The following TMEM74 variants were observed in gnomAD, a reference collection of about 807,000 sequenced individuals.
TMEM74 encodes the protein transmembrane protein 74.
A neutral mutation model predicts 18.1 loss-of-function variants in TMEM74; 13 were observed. That is an observed-to-expected ratio of 0.72 (90% CI 0.47 to 1.14). The LOEUF (loss-of-function observed/expected upper bound fraction) is 1.14, where lower values mean the gene tolerates loss of function less well. Ranked by LOEUF, TMEM74 falls within the 50% of genes most tolerant of loss-of-function variation. The pLI is 0.00. For missense variants in TMEM74, 372 were observed against 375.9 expected (o/e 0.99, Z 0.09); for synonymous variants, 159 against 146.6 (o/e 1.08, Z -0.61).
At chr8:108,672,809 T>C (rs76352641) in intron 1 of TMEM74, among the ~76,000 whole-genome samples, 4,468 of 152,292 alleles carry the variant, frequency 0.029, 121 homozygotes, top group African/African-American at 0.066. Context: ...TTCACAATGA[T>C]GCTATATCCT....
chr8:108,780,022 C>CT lies in TMEM74; in HGVS notation c.*4158dup, dbSNP rs1415918538. On this transcript the variant is annotated 3_prime_UTR_variant, in exon 2 of 2. Transcript: ENST00000297459. ...ATGTTAATTCTCTTTCTTAAGTACT[C>CT]TTTTTAGACTAGGAAAAGCCAGTAA... 3.9e-5 allele frequency among the ~76,000 whole-genome samples: 6 copies of CT among 152,140 alleles called. No individual in the cohort carries two copies. The highest frequency in any genetic ancestry group is 1.4e-4 in the African/African-American group (6 of 41,432).
At chr8:108,709,065 G>T (rs759224461) in intron 1 of TMEM74, among the ~76,000 whole-genome samples, 3 of 152,116 alleles carry the variant, frequency 2.0e-5, no homozygotes, top group Non-Finnish European at 4.4e-5. Flanking sequence ...TGGAATCCTT[G>T]TACACTGTTC....
chr8:108,774,697 A>G (rs1814208696), downstream of TMEM74, among the ~76,000 whole-genome samples: 1 of 151,778 alleles, frequency 6.6e-6, no homozygotes, highest in African/African-American at 2.4e-5. Context: ...CAAAAACTCT[A>G]CACAAAGTAA....
At chr8:108,615,006 G>A (rs1420434300) in intron 2 of TMEM74, among the ~76,000 whole-genome samples, 3 of 152,094 alleles carry the variant, frequency 2.0e-5, no homozygotes, top group Non-Finnish European at 2.9e-5. Flanking sequence ...TGAGACCAAA[G>A]CATACAATAC....
intron 2 of TMEM74, among the ~76,000 whole-genome samples, chr8:108,627,058 G>A (rs1395316673): frequency 6.6e-6 from 1 of 151,980 alleles, no homozygotes; most frequent in African/African-American, 2.4e-5. Context: ...CCCTTTAAGT[G>A]TGTAAAAATA....
chr8:108,784,607 A>G lies in TMEM74; in HGVS notation c.492T>C (p.Ser164=). The part of the protein sequence containing the change: ...SLISEEEDDT[S]SEATSSGKSI... Reference sequence around the variant, plus strand: ...ACTTCCCTGAAGACGTGGCTTCTGAACTTGTATCATCCTCCTCTTCAGATA... The same window carrying G: ...ACTTCCCTGAAGACGTGGCTTCTGAGCTTGTATCATCCTCCTCTTCAGATA... The change falls in exon 2 of 2, where the codon AGT becomes AGC. Residue 164 remains serine (S), a synonymous_variant. Transcript: ENST00000297459. 2 of 1,614,084 alleles carry G rather than the reference A, an allele frequency of 1.2e-6. No individual in the cohort carries two copies. Among genetic ancestry groups the G allele is most frequent in the Non-Finnish European group, 1.7e-6 (2 of 1,180,008 alleles).
intron 1 of TMEM74, among the ~76,000 whole-genome samples, chr8:108,765,569 G>A (rs749549247): frequency 1.3e-5 from 2 of 151,730 alleles, no homozygotes; most frequent in African/African-American, 2.4e-5. Context: ...TACCACACCC[G>A]GCTAATTTTT....
intron 1 of TMEM74, among the ~76,000 whole-genome samples, chr8:108,726,473 G>C (rs1813639498): frequency 6.6e-6 from 1 of 152,162 alleles, no homozygotes; most frequent in Non-Finnish European, 1.5e-5. Flanking sequence ...AGAATGATTT[G>C]ATATAGCATT....
At chr8:108,724,553 G>A (rs1167289215) in intron 1 of TMEM74, among the ~76,000 whole-genome samples, 1 of 152,108 alleles carries the variant, frequency 6.6e-6, no homozygotes, top group Non-Finnish European at 1.5e-5. Context: ...ATTAAGAGAT[G>A]ATTAAATTTT....
At chr8:108,671,026 A>G (rs951563422) in intron 1 of TMEM74, among the ~76,000 whole-genome samples, 1 of 152,140 alleles carries the variant, frequency 6.6e-6, no homozygotes, top group Non-Finnish European at 1.5e-5. Context: ...ATACAGTTGG[A>G]AAAATACAGT....
intron 1 of TMEM74, among the ~76,000 whole-genome samples, chr8:108,721,350 A>T (rs1424357835): frequency 6.6e-6 from 1 of 152,252 alleles, no homozygotes; most frequent in East Asian, 1.9e-4. Flanking sequence ...TTATACTAGA[A>T]ATTAATAATT....
downstream of TMEM74, among the ~76,000 whole-genome samples, chr8:108,774,038 A>C (rs1350558405): frequency 6.6e-6 from 1 of 152,218 alleles, no homozygotes. Flanking sequence ...TTTTACCATG[A>C]GATACTTAAC....
intron 2 of TMEM74, among the ~76,000 whole-genome samples, chr8:108,643,578 T>A (rs1195395121): frequency 1.3e-5 from 2 of 152,024 alleles, no homozygotes; most frequent in African/African-American, 4.8e-5. Context: ...TACACTCCAT[T>A]TCAAAGAGTT....
intron 1 of TMEM74, among the ~76,000 whole-genome samples, chr8:108,708,475 C>T (rs147085515): frequency 6.9e-4 from 105 of 152,142 alleles, no homozygotes; most frequent in East Asian, 5.8e-3. Context: ...CCTTTTGCAA[C>T]GGCTGAACTA....
chr8:108,622,682 T>G (rs1169485908), intron 2 of TMEM74, among the ~76,000 whole-genome samples: 2 of 152,120 alleles, frequency 1.3e-5, no homozygotes, highest in African/African-American at 4.8e-5. Flanking sequence ...TCTTAGTATT[T>G]TATAGTTTGG....
At chr8:108,646,379 G>C (rs994960686) in intron 2 of TMEM74, among the ~76,000 whole-genome samples, 5 of 152,082 alleles carry the variant, frequency 3.3e-5, no homozygotes, top group African/African-American at 1.2e-4. Context: ...TTTGAAAAAT[G>C]AGTATAATAA....
chr8:108,692,215 C>T (rs1338541429), intron 1 of TMEM74, among the ~76,000 whole-genome samples: 5 of 152,224 alleles, frequency 3.3e-5, no homozygotes, highest in African/African-American at 1.2e-4. Flanking sequence ...CCCAGTCTGA[C>T]TTCTGGCTCA....
chr8:108,650,974 G>A (rs1439733454), intron 2 of TMEM74, among the ~76,000 whole-genome samples: 1 of 152,118 alleles, frequency 6.6e-6, no homozygotes, highest in Non-Finnish European at 1.5e-5. Flanking sequence ...GCCTCGCAAA[G>A]TGTTGGGATT....
chr8:108,750,576 G>A (rs1450607431), intron 1 of TMEM74, among the ~76,000 whole-genome samples: 2 of 152,118 alleles, frequency 1.3e-5, no homozygotes, highest in East Asian at 1.9e-4. Flanking sequence ...GTCCACAGCT[G>A]TTACACTAAA....
Sources: gnomAD v4.1 joint callset for allele counts (sites outside exome capture counted in the v4.1 genomes callset) on GRCh38, gnomAD v4.1.1 for gene constraint, MANE v1.5 for transcripts, NCBI Gene and HGNC (gene_info 2026-07-23, HGNC 2026-07-21) for gene names.